Variants in BSPRY observed in about 807,000 individuals in gnomAD.
BSPRY encodes B-box and SPRY domain containing, also known as B box and SPRY domain-containing protein.
In BSPRY, 33 loss-of-function variants were observed where a neutral mutation model predicts 38.0. That is an observed-to-expected ratio of 0.87 (90% CI 0.66 to 1.16). The LOEUF (loss-of-function observed/expected upper bound fraction) is 1.16, where lower values mean the gene tolerates loss of function less well. BSPRY is among the 50% of genes most tolerant of loss of function. BSPRY has a pLI of 0.00. For missense variants in BSPRY, 523 were observed against 533.2 expected (o/e 0.98, Z 0.19); for synonymous variants, 224 against 228.5 (o/e 0.98, Z 0.18).
Position 113,349,572 on chromosome 9 carries a change from G to T in BSPRY, c.-8G>T. 8.7e-7 allele frequency: 1 copy of T among 1,153,020 alleles called. No homozygotes were observed. Among genetic ancestry groups the T allele is most frequent in the Non-Finnish European group, 1.1e-6 (1 of 938,374 alleles). The allele number at this position is 1,153,020 out of a possible 1,614,324, so 71.4% of individuals were successfully genotyped here. A position where few individuals can be genotyped will look rare whatever the true frequency, so the allele number is the denominator to read the frequency against. On this transcript the variant is annotated 5_prime_UTR_variant, in exon 1 of 6. Transcript: ENST00000374183. ...GACAGGTGGAGCGCACGGGGCGGGC[G>T]CACGGCCATGTCCGCCGAGGGCGCG...
rs554997546 is a variant in BSPRY, at chr9:113,355,821, G to T, written c.300+1483G>T. On this transcript the variant is annotated intron_variant, in intron 2 of 5. Coordinates refer to ENST00000374183, the MANE Select transcript of BSPRY (RefSeq NM_017688.3). ...AGTAGAGATGGAGTTTCACCATGTT[G>T]GCCAGGCTGTTCTTGAACTCCTGAC... 4.6e-5 allele frequency among the ~76,000 whole-genome samples: 7 copies of T among 151,994 alleles called. No individual in the cohort carries two copies. The South Asian group carries it at 1.5e-3, about 32-fold the overall frequency.
chr9:113,369,644 G>T lies in BSPRY; in HGVS notation c.711G>T (p.Arg237Ser). 1.2e-6 allele frequency: 2 copies of T among 1,613,836 alleles called. No individual in the cohort carries two copies. Among genetic ancestry groups the T allele is most frequent in the African/African-American group, 1.3e-5 (1 of 75,036 alleles). The change falls in exon 6 of 6, where the codon AGG (arginine) becomes AGT (serine). Residue 237 changes from arginine to serine, a missense_variant. Arg to Ser is a moderately radical substitution (Grantham distance 110). Transcript: ENST00000374183. Reference sequence around the variant, plus strand: ...CAGAGGACATACGGATCGATGAGAGGACAGTCAGCCCCTTCCTGCAATTGT... The same window carrying T: ...CAGAGGACATACGGATCGATGAGAGTACAGTCAGCCCCTTCCTGCAATTGT... ...SGTEDIRIDERTVSPFLQLSD... is the reference protein window; with the variant it reads ...SGTEDIRIDESTVSPFLQLSD...
At chr9:113,353,383 C>G (rs1027907245) in intron 1 of BSPRY, among the ~76,000 whole-genome samples, 3 of 151,684 alleles carry the variant, frequency 2.0e-5, no homozygotes, top group Middle Eastern at 3.2e-3. Context: ...GACTCTATCT[C>G]AAAATAAATA....
intron 2 of BSPRY, among the ~76,000 whole-genome samples, chr9:113,357,983 A>T (rs1481932753): frequency 7.3e-6 from 1 of 136,480 alleles, no homozygotes; most frequent in Non-Finnish European, 1.6e-5. Context: ...ATGGTAGCTC[A>T]TGCCTATAAT....
intron 1 of BSPRY, among the ~76,000 whole-genome samples, 195 bp downstream of exon 1, chr9:113,349,975 G>T (rs1331309895): frequency 6.6e-6 from 1 of 152,178 alleles, no homozygotes; most frequent in Non-Finnish European, 1.5e-5. Flanking sequence ...GCCTGAGTTC[G>T]AATCTACTCC....
In BSPRY at chr9:113,360,534, G is replaced by A. The variant is rs936491020; in HGVS notation, c.328G>A (p.Val110Ile). 9 of 1,603,718 alleles carry A rather than the reference G, an allele frequency of 5.6e-6. No individual in the cohort carries two copies. In the African/African-American group the frequency reaches 1.1e-4, roughly 19 times the overall value. ...VSMASAAREL[V>I]IQRLSLVRSL... ...CATGGCCAGTGCAGCGAGGGAACTG[G>A]TTATCCAGCGGTTGAGTCTGGTGAG... The change falls in exon 3 of 6, where the codon GTT becomes ATT. Residue 110 changes from valine (V) to isoleucine (I), a missense_variant. Coordinates refer to ENST00000374183, the MANE Select transcript of BSPRY (RefSeq NM_017688.3).
intron 4 of BSPRY, among the ~76,000 whole-genome samples, chr9:113,367,010 T>C (rs1263550405): frequency 1.3e-5 from 2 of 152,170 alleles, no homozygotes; most frequent in African/African-American, 4.8e-5. Flanking sequence ...AGCACCTAGG[T>C]CAAAAGGCTG....
At position 113,354,358 on chromosome 9, in the gene BSPRY, C is replaced by T. The variant is rs748770893; in HGVS notation, c.300+20C>T. The T allele has an allele frequency of 4.4e-6, 7 of 1,598,820 alleles. No individual in the cohort carries two copies. In the African/African-American group the frequency reaches 8.0e-5, roughly 18 times the overall value. ...GCAGTGGTAATTCCTCTTCTTTCCT[C>T]TCTACTCAGCCCCCTCCCAGGATAA... is the stretch of plus-strand genomic sequence containing the variant. On this transcript the variant is annotated intron_variant, in intron 2 of 5. Transcript: ENST00000374183.
Position 113,349,637 on chromosome 9 carries a change from C to T in BSPRY, c.58C>T (p.Pro20Ser), listed in dbSNP as rs771750175. The change falls in exon 1 of 6, where the codon CCA becomes TCA. Residue 20 changes from proline (P) to serine (S), a missense_variant. Coordinates refer to ENST00000374183, the MANE Select transcript of BSPRY (RefSeq NM_017688.3). ...GTCCGGGTCCGGGCCCGGGCCGGGG[C>T]CACTCTGCCCCGAACACGGCCAGGC... ...PGSGSGPGPG[P>S]LCPEHGQALS... The T allele has an allele frequency of 5.8e-6, 7 of 1,216,116 alleles. No individual in the cohort carries two copies. The Admixed American group carries it at 1.3e-4, about 22-fold the overall frequency. The allele number at this position is 1,216,116 out of a possible 1,614,324, so 75.3% of individuals were successfully genotyped here.
At chr9:113,356,242 T>G (rs1485267925) in intron 2 of BSPRY, among the ~76,000 whole-genome samples, 2 of 152,082 alleles carry the variant, frequency 1.3e-5, no homozygotes, top group Non-Finnish European at 2.9e-5. Flanking sequence ...CAGTGGCTCA[T>G]GCCTGTAATC....
At chr9:113,360,828 G>A in intron 3 of BSPRY, 91 bp downstream of exon 3, 2 of 1,128,272 alleles carry the variant, frequency 1.8e-6, no homozygotes, top group South Asian at 1.5e-5. Flanking sequence ...TGAGGAGGGT[G>A]GAAATGAGAA....
chr9:113,352,076 G>A (rs1332468764), intron 1 of BSPRY, among the ~76,000 whole-genome samples: 1 of 152,172 alleles, frequency 6.6e-6, no homozygotes, highest in East Asian at 1.9e-4. Flanking sequence ...CTCCCAAAGT[G>A]TTGGGATTAC....
rs559971630 is a variant in BSPRY, at chr9:113,353,739, C to T, written c.202-501C>T. 4.6e-5 allele frequency among the ~76,000 whole-genome samples: 7 copies of T among 152,052 alleles called. No individual in the cohort carries two copies. The South Asian group carries it at 6.2e-4, about 14-fold the overall frequency. On this transcript the variant is annotated intron_variant, in intron 1 of 5. Coordinates refer to ENST00000374183, the MANE Select transcript of BSPRY (RefSeq NM_017688.3). ...AAATAAAAAAAAATAAAAATAAACA[C>T]AAGACAAAATGGACTTTAAGGCAAA... is the stretch of plus-strand genomic sequence containing the variant.
intron 2 of BSPRY, among the ~76,000 whole-genome samples, chr9:113,355,960 GT>G (rs1191902647): frequency 1.3e-5 from 2 of 152,146 alleles, no homozygotes; most frequent in Non-Finnish European, 2.9e-5. Flanking sequence ...TATTTCACCA[GT>G]TATTTATTTA....
rs1834132142 is a variant in BSPRY at position 113,360,516 on chromosome 9, A to G, written c.310A>G (p.Ser104Gly). 6.3e-7 allele frequency: 1 copy of G among 1,596,298 alleles called. No homozygotes were observed. The highest frequency in any genetic ancestry group is 8.5e-7 in the Non-Finnish European group (1 of 1,173,548). ...GKNQRAVSMASAARELVIQRL... is the reference protein window; with the variant it reads ...GKNQRAVSMAGAARELVIQRL... The stretch of plus-strand genomic sequence containing the variant: ...TTTTATCCCTCATTAGAGCATGGCC[A>G]GTGCAGCGAGGGAACTGGTTATCCA... The change falls in exon 3 of 6, where the codon AGT (serine) becomes GGT (glycine). Residue 104 changes from serine to glycine, a missense_variant. Ser to Gly is a moderately conservative substitution (Grantham distance 56). Coordinates refer to ENST00000374183, the MANE Select transcript of BSPRY (RefSeq NM_017688.3).
intron 2 of BSPRY, among the ~76,000 whole-genome samples, chr9:113,356,549 T>G (rs1396789169): frequency 1.3e-5 from 2 of 151,856 alleles, no homozygotes; most frequent in Admixed American, 6.6e-5. Context: ...TTAGAAGTGA[T>G]TATAGGCGGC....
rs57026104 is a variant in BSPRY at position 113,363,876 on chromosome 9, CAAAAAAAAAAAAAAAAAAA to C, written c.557+1495_557+1513del. ...TGGGTGACAGAGTGAGACTCCACCT[CAAAAAAAAAAAAAAAAAAA>C]AAAAAAAAAAAAGCTGGGCGTGATG... is the stretch of plus-strand genomic sequence containing the variant. On this transcript the variant is annotated intron_variant, in intron 4 of 5. Coordinates refer to ENST00000374183, the MANE Select transcript of BSPRY (RefSeq NM_017688.3). Among the ~76,000 whole-genome samples, 4 of 37,540 alleles carry C rather than the reference CAAAAAAAAAAAAAAAAAAA, an allele frequency of 1.1e-4. 1 individual carries two copies. The highest frequency in any genetic ancestry group is 2.0e-4 in the Non-Finnish European group (4 of 19,572). 24.6% of individuals were successfully genotyped at this position (37,540 alleles called of 152,430 possible). A position where few individuals can be genotyped will look rare whatever the true frequency, so the allele number is the denominator to read the frequency against.
Position 113,361,057 on chromosome 9 carries a change from C to G in BSPRY, c.531+320C>G, listed in dbSNP as rs139348589. Among the ~76,000 whole-genome samples the G allele has an allele frequency of 4.1e-4, 63 of 152,286 alleles. No individual in the cohort carries two copies. The East Asian group carries it at 8.9e-3, about 21-fold the overall frequency. ...TCCACCACCATCCCCTAGGTGATGT[C>G]TGATCACTGTGTTCTGTCTGCAGCA... On this transcript the variant is annotated intron_variant, in intron 3 of 5. Coordinates refer to ENST00000374183, the MANE Select transcript of BSPRY (RefSeq NM_017688.3).
chr9:113,364,963 T>A (rs1173265608), intron 4 of BSPRY, among the ~76,000 whole-genome samples: 3 of 144,086 alleles, frequency 2.1e-5, no homozygotes, highest in Non-Finnish European at 4.6e-5. Flanking sequence ...TTTTTTTTTT[T>A]TAACATTTTT....
Sources: gnomAD v4.1 joint callset for allele counts (sites outside exome capture counted in the v4.1 genomes callset) on GRCh38, gnomAD v4.1.1 for gene constraint, MANE v1.5 for transcripts, NCBI Gene and HGNC (gene_info 2026-07-23, HGNC 2026-07-21) for gene names.